Variants in SLC25A30 observed in about 807,000 individuals in gnomAD.
SLC25A30 encodes the protein solute carrier family 25 member 30.
SLC25A30 carries 29 observed loss-of-function variants against 42.7 expected under a neutral mutation model. The observed-to-expected ratio is 0.68, with a 90% CI of 0.51 to 0.93. SLC25A30 has a LOEUF of 0.93. SLC25A30 is among the 40% of genes least tolerant of loss of function. The pLI, the probability that SLC25A30 is intolerant of heterozygous loss-of-function variation, is 0.00. For missense variants in SLC25A30, 300 were observed against 359.7 expected, an observed-to-expected ratio of 0.83 and a Z score of 1.34; for synonymous variants, 124 against 131.0, an observed-to-expected ratio of 0.95 and a Z score of 0.37.
the SLC25A30 span, among the ~76,000 whole-genome samples, chr13:45,424,978 A>G: frequency 8.3e-4 from 63 of 76,076 alleles, 1 homozygote; most frequent in African/African-American, 3.6e-3. Flanking sequence ...ATATATAAGT[A>G]TATAAAAATA....
At chr13:45,403,502 A>G (rs1882197633) in intron 5 of SLC25A30, among the ~76,000 whole-genome samples, 1 of 152,196 alleles carries the variant, frequency 6.6e-6, no homozygotes. Context: ...CCTAATTTTT[A>G]TTTTATTTAA....
In SLC25A30 at chr13:45,395,975, C is replaced by G; in HGVS notation, c.875G>C (p.Ter292SerextTer6). ...TYEQLKKLDL[*>S] ...GATGTCTCATGCAGCCTTGGCTTGTCACAAATCCAATTTCTTCAACTGCTC... is the reference window on the plus strand; with the variant it reads ...GATGTCTCATGCAGCCTTGGCTTGTGACAAATCCAATTTCTTCAACTGCTC... The change falls in exon 10 of 10, where the codon TGA becomes TCA. Residue 292 changes from the stop codon to serine (S), a stop_lost. Transcript: ENST00000519676. The G allele has an allele frequency of 1.2e-6, 2 of 1,614,166 alleles. No individual in the cohort carries two copies. Among genetic ancestry groups the G allele is most frequent in the Non-Finnish European group, 1.7e-6 (2 of 1,180,028 alleles).
chr13:45,416,784 T>A (rs941550704), intron 1 of SLC25A30, among the ~76,000 whole-genome samples: 1 of 152,048 alleles, frequency 6.6e-6, no homozygotes, highest in African/African-American at 2.4e-5. Context: ...AAATAATAAA[T>A]AAAGGTTAAA....
chr13:45,433,998 C>T, the SLC25A30 span, among the ~76,000 whole-genome samples: 17,990 of 152,158 alleles, frequency 0.12, 1,145 homozygotes, highest in African/African-American at 0.16. Flanking sequence ...ATGGTTCATG[C>T]CTGTAATCCC....
intron 7 of SLC25A30, 118 bp from the exon 8 acceptor site, chr13:45,399,196 G>GTGTT: frequency 3.5e-6 from 4 of 1,144,426 alleles, no homozygotes; most frequent in Non-Finnish European, 3.6e-6. Context: ...TGTGGTTTTC[G>GTGTT]TGTTTTGTTT....
the SLC25A30 span, among the ~76,000 whole-genome samples, chr13:45,423,968 CAT>C: frequency 1.0e-4 from 8 of 77,636 alleles, no homozygotes; most frequent in South Asian, 5.0e-4. Context: ...TATATATAAA[CAT>C]ATAACAATAT....
chr13:45,425,158 A>C, the SLC25A30 span, among the ~76,000 whole-genome samples: 132 of 96,296 alleles, frequency 1.4e-3, no homozygotes, highest in African/African-American at 5.3e-3. Context: ...ATATATTGAT[A>C]AATATATATA....
the SLC25A30 span, among the ~76,000 whole-genome samples, chr13:45,426,720 A>T: frequency 1.2e-3 from 187 of 152,260 alleles, no homozygotes; most frequent in South Asian, 3.1e-3. Flanking sequence ...TTGTAACAAG[A>T]TTCTCTTAAT....
intron 4 of SLC25A30, 35 bp downstream of exon 4, chr13:45,405,847 CT>C: frequency 5.0e-6 from 8 of 1,597,550 alleles, no homozygotes; most frequent in Non-Finnish European, 6.9e-6. Flanking sequence ...GACAACCAAC[CT>C]CCTGTCCACA....
chr13:45,425,449 T>C, the SLC25A30 span, among the ~76,000 whole-genome samples: 1 of 109,152 alleles, frequency 9.2e-6, no homozygotes, highest in Non-Finnish European at 1.7e-5. Flanking sequence ...TATATAAATA[T>C]ATAAGTGTAT....
At chr13:45,409,658 A>T (rs1228025952) in intron 2 of SLC25A30, among the ~76,000 whole-genome samples, 1 of 151,942 alleles carries the variant, frequency 6.6e-6, no homozygotes, top group Non-Finnish European at 1.5e-5. Flanking sequence ...AAAATACAAA[A>T]ATTAGCTGGG....
chr13:45,423,592 T>A, the SLC25A30 span, among the ~76,000 whole-genome samples: 6 of 23,742 alleles, frequency 2.5e-4, 2 homozygotes, highest in Admixed American at 1.7e-3. Flanking sequence ...TATATATAAA[T>A]ATATATATAT....
At chr13:45,427,859 T>C in the SLC25A30 span, among the ~76,000 whole-genome samples, 1 of 151,778 alleles carries the variant, frequency 6.6e-6, no homozygotes. Context: ...TTCTCCTGCC[T>C]CAGCCTCCTG....
intron 3 of SLC25A30, among the ~76,000 whole-genome samples, chr13:45,407,388 G>A (rs1882618176): frequency 2.0e-5 from 3 of 151,878 alleles, no homozygotes; most frequent in Admixed American, 2.0e-4. Context: ...AAAAAATTGT[G>A]TGTGTGTGTT....
At chr13:45,413,843 G>A (rs554327652) in intron 1 of SLC25A30, among the ~76,000 whole-genome samples, 2 of 152,286 alleles carry the variant, frequency 1.3e-5, no homozygotes, top group South Asian at 2.1e-4. Flanking sequence ...CTGAGCCACC[G>A]TGCCTGGCCA....
Position 45,401,088 on chromosome 13 carries a change from G to A in SLC25A30, c.609C>T (p.His203=), listed in dbSNP as rs772137760. ...AAAAAAAGCCATGAACATACAGGAA[G>A]TGGGTATACACAGTGTCTCCCATCA... The part of the protein sequence containing the change: ...SGLMGDTVYT[H]FLSSFTCGLA... Residue 203 remains histidine, a synonymous_variant, in exon 7 of 10, where the codon CAC becomes CAT. Transcript: ENST00000519676. 2 of 1,602,916 alleles carry A rather than the reference G, an allele frequency of 1.2e-6. No individual in the cohort carries two copies. Among genetic ancestry groups the A allele is most frequent in the Non-Finnish European group, 1.7e-6 (2 of 1,173,752 alleles).
Position 45,401,203 on chromosome 13 carries a change from A to G in SLC25A30, c.494T>C (p.Val165Ala), listed in dbSNP as rs760096110. The change falls in exon 7 of 10, where the codon GTG becomes GCG. Residue 165 changes from valine to alanine, a missense_variant. Coordinates refer to ENST00000519676, the MANE Select transcript of SLC25A30 (RefSeq NM_001010875.4). ...AGCAGCCCTCTGCGCAGTAAGGGAC[A>G]CACCCTGGGTAAAAATATTAACAAT... The part of the protein sequence containing the change: ...QEGTRGLWKG[V>A]SLTAQRAAIV... The G allele has an allele frequency of 2.5e-6, 4 of 1,613,558 alleles. No individual in the cohort carries two copies. The South Asian group carries it at 4.4e-5, about 18-fold the overall frequency.
chr13:45,402,464 T>C, intron 5 of SLC25A30, 94 bp from the exon 6 acceptor site: 1 of 1,022,024 alleles, frequency 9.8e-7, no homozygotes, highest in Non-Finnish European at 1.5e-6. Flanking sequence ...CGTCAGTCAG[T>C]TGCTTAATAA....
chr13:45,407,807 T>C (rs1882655512), intron 3 of SLC25A30, among the ~76,000 whole-genome samples: 2 of 152,194 alleles, frequency 1.3e-5, no homozygotes, highest in African/African-American at 4.8e-5. Context: ...ATTGAGACAT[T>C]AGTCTTGGCT....
Sources: gnomAD v4.1 joint callset for allele counts (sites outside exome capture counted in the v4.1 genomes callset) on GRCh38, gnomAD v4.1.1 for gene constraint, MANE v1.5 for transcripts, NCBI Gene and HGNC (gene_info 2026-07-23, HGNC 2026-07-21) for gene names.